Variants in STARD9 observed in about 807,000 individuals in gnomAD.
STARD9 encodes stAR-related lipid transfer protein 9.
STARD9 carries 346 observed loss-of-function variants against 399.8 expected under a neutral mutation model. The ratio of observed to expected loss-of-function variants is 0.87; its 90% CI spans 0.79 to 0.95. The LOEUF (loss-of-function observed/expected upper bound fraction) is 0.95. STARD9 is among the 40% of genes least tolerant of loss of function. STARD9 has a pLI of 0.00. For synonymous variants in STARD9, 2,203 were observed against 2,143.5 expected (o/e 1.03, Z -0.77); for missense variants, 5,832 against 5,667.5 (o/e 1.03, Z -0.93).
Position 42,691,000 on chromosome 15 carries a change from C to A in STARD9, c.9422C>A (p.Pro3141Gln), listed in dbSNP as rs984694958. The A allele has an allele frequency of 2.0e-6, 3 of 1,537,072 alleles. No individual in the cohort carries two copies. The African/African-American group carries it at 4.1e-5, about 21-fold the overall frequency. Reference sequence around the variant, plus strand: ...GAACCACCTGCAACAACTCAGGGACCACACACCCTGGATTTAAGTGAAGGG... The same window carrying A: ...GAACCACCTGCAACAACTCAGGGACAACACACCCTGGATTTAAGTGAAGGG... ...NPEPPATTQG[P>Q]HTLDLSEGSA... The change falls in exon 23 of 33, where the codon CCA (proline) becomes CAA (glutamine). Residue 3141 changes from proline to glutamine, a missense_variant. By Grantham distance (76) the Pro-to-Gln change is moderately conservative (BLOSUM62 -1). This residue lies in a region of STARD9 where 5,828 missense variants were observed against 5,651.1 expected (regional missense o/e 1.03). Transcript: ENST00000290607.
At position 42,685,604 on chromosome 15, in the gene STARD9, C is replaced by T. The variant is rs559519085; in HGVS notation, c.4026C>T (p.Asp1342=). 11 of 1,537,512 alleles carry T rather than the reference C, an allele frequency of 7.2e-6. No individual in the cohort carries two copies. In the African/African-American group the frequency reaches 1.4e-4, roughly 19 times the overall value. ...CCATGGATTCCTGGTTTTCCTGTGA[C>T]TCTAAGATCAACCCCAGCAGCCCCC... ...LMSMDSWFSC[D]SKINPSSPPG... is the part of the protein sequence containing the mutation. The change falls in exon 23 of 33, where the codon GAC becomes GAT. Residue 1342 remains aspartate (D), a synonymous_variant. Coordinates refer to ENST00000290607, the MANE Select transcript of STARD9 (RefSeq NM_020759.3).
At position 42,700,835 on chromosome 15, in the gene STARD9, T is replaced by A. The variant is rs79524031; in HGVS notation, c.13284+4955T>A. On this transcript the variant is annotated intron_variant, in intron 26 of 32. Transcript: ENST00000290607. ...GTGCTCTTGAGGTCTTGTCCAAAAA[T>A]TCCTTTCCCAGTCCAATGTCATAAA... Among the ~76,000 whole-genome samples the A allele has an allele frequency of 1.6e-4, 24 of 152,306 alleles. No homozygotes were observed. The East Asian group carries it at 4.6e-3, about 29-fold the overall frequency.
rs758008056 is a variant in STARD9 at position 42,638,011 on chromosome 15, C to G, written c.385-15C>G. ...CAATTCCTACAATGAAACCCCAACC[C>G]TCTGGTTTGTGCAGGGTCTCTTCGT... is the stretch of plus-strand genomic sequence containing the variant. On this transcript the variant is annotated splice_polypyrimidine_tract_variant and intron_variant, in intron 5 of 32. Coordinates refer to ENST00000290607, the MANE Select transcript of STARD9 (RefSeq NM_020759.3). 34 of 1,537,236 alleles carry G rather than the reference C, an allele frequency of 2.2e-5. No individual in the cohort carries two copies. In the South Asian group the frequency reaches 3.9e-4, roughly 18 times the overall value.
chr15:42,690,887 C>G lies in STARD9; in HGVS notation c.9309C>G (p.Phe3103Leu), dbSNP rs767310282. The G allele has an allele frequency of 1.3e-6, 2 of 1,537,190 alleles. No homozygotes were observed. The highest frequency in any genetic ancestry group is 1.7e-6 in the Non-Finnish European group (2 of 1,146,902). ...QASTELEAAS[F>L]PAGMYSEPLR... is the part of the protein sequence containing the mutation. ...GCACAGAACTTGAGGCTGCCTCTTTCCCTGCAGGCATGTACTCTGAGCCCC... is the reference window on the plus strand; with the variant it reads ...GCACAGAACTTGAGGCTGCCTCTTTGCCTGCAGGCATGTACTCTGAGCCCC... The change falls in exon 23 of 33, where the codon TTC becomes TTG. Residue 3103 changes from phenylalanine (F) to leucine (L), a missense_variant. Transcript: ENST00000290607.
At position 42,651,029 on chromosome 15, in the gene STARD9, T is replaced by G. The variant is rs768619080; in HGVS notation, c.573T>G (p.His191Gln). 11 of 1,532,956 alleles carry G rather than the reference T, an allele frequency of 7.2e-6. 1 individual carries two copies. The South Asian group carries it at 1.2e-4, about 17-fold the overall frequency. 95.0% of individuals were successfully genotyped at this position (1,532,956 alleles called of 1,614,324 possible). ...CAAATCCGATAGGTTTATCTCAACATGTAGTTACCAATTATAAGCAAGTAA... is the reference window on the plus strand; with the variant it reads ...CAAATCCGATAGGTTTATCTCAACAGGTAGTTACCAATTATAAGCAAGTAA... ...MGPYVQGLSQHVVTNYKQVIQ... is the reference protein window; with the variant it reads ...MGPYVQGLSQQVVTNYKQVIQ... The change falls in exon 8 of 33, where the codon CAT becomes CAG. Residue 191 changes from histidine to glutamine, a missense_variant. Coordinates refer to ENST00000290607, the MANE Select transcript of STARD9 (RefSeq NM_020759.3).
At chr15:42,701,290 C>T (rs920468558) in intron 26 of STARD9, among the ~76,000 whole-genome samples, 6 of 152,016 alleles carry the variant, frequency 3.9e-5, no homozygotes, top group African/African-American at 7.2e-5. Flanking sequence ...GAATGTTATT[C>T]GTATTTTGAT....
chr15:42,717,629 A>G, intron 28 of STARD9, 102 bp from the exon 29 acceptor site: 1 of 1,082,648 alleles, frequency 9.2e-7, no homozygotes, highest in Non-Finnish European at 1.4e-6. Flanking sequence ...TGTCTCAAAA[A>G]AAAAGAAAAG....
chr15:42,585,051 A>G (rs958049857), intron 2 of STARD9, among the ~76,000 whole-genome samples: 5 of 152,220 alleles, frequency 3.3e-5, no homozygotes, highest in African/African-American at 1.2e-4. Context: ...CCTTCAAGCT[A>G]TGTTTATAAA....
At chr15:42,702,415 G>A (rs534714825) in intron 26 of STARD9, among the ~76,000 whole-genome samples, 10 of 152,178 alleles carry the variant, frequency 6.6e-5, no homozygotes, top group African/African-American at 2.4e-4. Context: ...TGTTGGCCAG[G>A]CTGGTCTCCA....
At chr15:42,697,123 G>T (rs559993843) in intron 26 of STARD9, among the ~76,000 whole-genome samples, 2 of 152,154 alleles carry the variant, frequency 1.3e-5, no homozygotes, top group Non-Finnish European at 2.9e-5. Context: ...CCAGTTTGTT[G>T]TATATTTCCA....
chr15:42,633,335 A>G (rs2059365627), intron 3 of STARD9, among the ~76,000 whole-genome samples: 1 of 152,218 alleles, frequency 6.6e-6, no homozygotes, highest in Non-Finnish European at 1.5e-5. Flanking sequence ...GCTTTGAAGT[A>G]TAAGAATACA....
intron 3 of STARD9, among the ~76,000 whole-genome samples, chr15:42,624,553 C>CTT (rs11314415): frequency 2.1e-5 from 3 of 142,820 alleles, no homozygotes; most frequent in Non-Finnish European, 3.1e-5. Context: ...TTTCTGTTGT[C>CTT]TTTTTTTTTT....
At chr15:42,675,532 G>A in intron 18 of STARD9, 132 bp from the exon 19 acceptor site, 1 of 656,336 alleles carries the variant, frequency 1.5e-6, no homozygotes, top group Non-Finnish European at 2.7e-6. Context: ...GAATTAATAT[G>A]TATCTTATCA....
In STARD9 at chr15:42,689,500, CTCTG is replaced by C; in HGVS notation, c.7927_7930del (p.Ser2643GlnfsTer39). ...GATGAGAGGAAAGTCCAGGCCACAT[CTCTG>C]TCTGCAGACAGCTTTGAATCTCTGC... On this transcript the variant is annotated frameshift_variant, in exon 23 of 33. Transcript: ENST00000290607. LOFTEE classifies it high-confidence loss of function. The C allele has an allele frequency of 1.3e-6, 2 of 1,537,344 alleles. No homozygotes were observed. The highest frequency in any genetic ancestry group is 1.2e-5 in the South Asian group (1 of 84,060).
At chr15:42,695,625 G>C in intron 25 of STARD9, 118 bp from the exon 26 acceptor site, 1 of 1,200,322 alleles carries the variant, frequency 8.3e-7, no homozygotes, top group Non-Finnish European at 1.1e-6. Flanking sequence ...GCCCTGGGAG[G>C]TGGGTGAAGG....
chr15:42,668,217 C>A (rs918387503), intron 15 of STARD9, among the ~76,000 whole-genome samples: 2 of 152,178 alleles, frequency 1.3e-5, no homozygotes, highest in African/African-American at 4.8e-5. Flanking sequence ...CCCTATCCAA[C>A]CCAGCCCTTT....
At chr15:42,657,360 CA>C (rs34831398) in intron 9 of STARD9, among the ~76,000 whole-genome samples, 175 of 101,512 alleles carry the variant, frequency 1.7e-3, no homozygotes, top group Middle Eastern at 6.2e-3. Context: ...GATTCCGTCT[CA>C]AAAAAAAAAA....
In STARD9 at chr15:42,652,150, GAATAA is replaced by G. The variant is rs372224356; in HGVS notation, c.630-358_630-354del. Among the ~76,000 whole-genome samples the G allele has an allele frequency of 7.7e-4, 117 of 152,030 alleles. 2 individuals are homozygous for G. The East Asian group carries it at 0.014, about 18-fold the overall frequency. On this transcript the variant is annotated intron_variant, in intron 8 of 32. Coordinates refer to ENST00000290607, the MANE Select transcript of STARD9 (RefSeq NM_020759.3). ...ACTTGTCTTATTAAAATGACTCCAA[GAATAA>G]AATAAAATAAAGTGAAAGAATAAAA...
chr15:42,702,401 G>C (rs565731016), intron 26 of STARD9, among the ~76,000 whole-genome samples: 1 of 151,900 alleles, frequency 6.6e-6, no homozygotes, highest in Non-Finnish European at 1.5e-5. Flanking sequence ...ACGGGGTTTC[G>C]CTATGTTGGC....
Sources: allele counts gnomAD v4.1 joint callset (sites outside exome capture counted in the v4.1 genomes callset), GRCh38; gene constraint gnomAD v4.1.1; regional missense constraint gnomAD v4.1.1; transcripts MANE v1.5; gene names NCBI Gene and HGNC (gene_info 2026-07-23, HGNC 2026-07-21).